The following ARAP3 variants were observed in gnomAD, a reference collection of about 807,000 sequenced individuals.
ARAP3 encodes arf-GAP with Rho-GAP domain, ANK repeat and PH domain-containing protein 3.
Under a neutral mutation model 169.2 loss-of-function variants are expected in ARAP3, and 82 were observed. The ratio of observed to expected loss-of-function variants is 0.48; its 90% CI spans 0.41 to 0.58. The LOEUF is 0.58. Among genes scored for constraint, ARAP3 ranks in the 20% least tolerant of loss-of-function variants. The pLI is 0.00. For synonymous variants in ARAP3, 791 were observed against 800.3 expected (o/e 0.99, Z 0.20); for missense variants, 1,764 against 2,018.0 (o/e 0.87, Z 2.41).
chr5:141,675,446 C>T (rs918847851), intron 4 of ARAP3, among the ~76,000 whole-genome samples: 3 of 152,068 alleles, frequency 2.0e-5, no homozygotes, highest in Admixed American at 6.6e-5. Context: ...AAAGGCTGGG[C>T]GTGGTGGCTT....
intron 5 of ARAP3, 40 bp from the exon 6 acceptor site, chr5:141,673,510 A>C (rs1377944474): frequency 6.2e-7 from 1 of 1,613,928 alleles, no homozygotes; most frequent in Admixed American, 1.7e-5. Flanking sequence ...TTGAGGTTGC[A>C]TGGGGTTAGG....
At chr5:141,661,578 A>T in intron 21 of ARAP3, 106 bp downstream of exon 21, 1 of 1,200,442 alleles carries the variant, frequency 8.3e-7, no homozygotes, top group Non-Finnish European at 1.2e-6. Flanking sequence ...TCACTTAACA[A>T]CTGTTTGTGG....
rs2099911718 is a variant in ARAP3, at chr5:141,673,473, G to T, written c.903-3C>A. 1 of 1,614,056 alleles carries T rather than the reference G, an allele frequency of 6.2e-7. No homozygotes were observed. Among genetic ancestry groups the T allele is most frequent in the African/African-American group, 1.3e-5 (1 of 74,914 alleles). ...AGCGTCTCTGGAAGACATAGTTTCT[G>T]AGGAAGGAAGGAGCCAAGATCAGTG... On this transcript the variant is annotated splice_polypyrimidine_tract_variant and splice_region_variant and intron_variant, in intron 5 of 32. Transcript: ENST00000239440.
At chr5:141,662,651 A>G (rs2099910115) in intron 19 of ARAP3, among the ~76,000 whole-genome samples, 1 of 152,238 alleles carries the variant, frequency 6.6e-6, no homozygotes. Context: ...GAACAGAGTG[A>G]AGAAAAATTT....
At chr5:141,665,459 T>C in intron 17 of ARAP3, 85 bp from the exon 18 acceptor site, 4 of 1,437,014 alleles carry the variant, frequency 2.8e-6, no homozygotes, top group East Asian at 2.3e-5. Flanking sequence ...CGTGCATAGA[T>C]GCCAGGCTAG....
intron 22 of ARAP3, 91 bp from the exon 23 acceptor site, chr5:141,659,567 G>A: frequency 1.4e-6 from 2 of 1,452,842 alleles, no homozygotes; most frequent in South Asian, 2.3e-5. Context: ...TAAGAGGGCT[G>A]GAGGCCAGAA....
chr5:141,667,491 T>TGCATGATCTC (rs2099910820), intron 16 of ARAP3, among the ~76,000 whole-genome samples: 2 of 150,306 alleles, frequency 1.3e-5, no homozygotes, highest in African/African-American at 4.9e-5. Context: ...TGGAGTACAG[T>TGCATGATCTC]GGCATGATCT....
intron 4 of ARAP3, among the ~76,000 whole-genome samples, chr5:141,675,893 CT>C (rs2099912119): frequency 6.6e-6 from 1 of 152,110 alleles, no homozygotes; most frequent in East Asian, 1.9e-4. Flanking sequence ...CCTCCTGTGA[CT>C]ATAATAAACA....
At position 141,672,725 on chromosome 5, in the gene ARAP3, G is replaced by A. The variant is rs2154599104; in HGVS notation, c.1278+16C>T. On this transcript the variant is annotated intron_variant, in intron 8 of 32. Coordinates refer to ENST00000239440, the MANE Select transcript of ARAP3 (RefSeq NM_022481.6). The surrounding 1 kb of genome is among the most constrained non-coding windows in gnomAD (Gnocchi z 4.9). ...GACTAGTTCAGGCCCCTCAGCCCTG[G>A]CCCGGCTCTCCTCACCTGCTCACTC... 3 of 1,614,126 alleles carry A rather than the reference G, an allele frequency of 1.9e-6. No individual in the cohort carries two copies. Among genetic ancestry groups the A allele is most frequent in the Non-Finnish European group, 2.5e-6 (3 of 1,180,016 alleles).
intron 21 of ARAP3, among the ~76,000 whole-genome samples, chr5:141,661,220 T>C (rs2099909929): frequency 1.3e-5 from 2 of 152,086 alleles, no homozygotes; most frequent in South Asian, 4.1e-4. Context: ...TGTACCACCA[T>C]GCCAGGCTAA....
At position 141,671,442 on chromosome 5, in the gene ARAP3, C is replaced by T. The variant is rs773757500; in HGVS notation, c.1855-42G>A. On this transcript the variant is annotated intron_variant, in intron 12 of 32. Transcript: ENST00000239440. The surrounding 1 kb of genome is among the most constrained non-coding windows in gnomAD (Gnocchi z 4.9). ...GCCTCTGTCAGCCCCAAATCCCAAACTGAGAGCACTGGGGACAGTCGTATC... is the reference window on the plus strand; with the variant it reads ...GCCTCTGTCAGCCCCAAATCCCAAATTGAGAGCACTGGGGACAGTCGTATC... 6.3e-7 allele frequency: 1 copy of T among 1,594,670 alleles called. No homozygotes were observed. The highest frequency in any genetic ancestry group is 8.6e-7 in the Non-Finnish European group (1 of 1,169,520).
chr5:141,675,158 A>C (rs1034779406), intron 4 of ARAP3, among the ~76,000 whole-genome samples: 1 of 152,144 alleles, frequency 6.6e-6, no homozygotes, highest in African/African-American at 2.4e-5. Flanking sequence ...GCCGCCTTCC[A>C]TGCTTCCCTG....
chr5:141,656,987 T>C, intron 25 of ARAP3, 141 bp from the exon 26 acceptor site: 5 of 1,242,440 alleles, frequency 4.0e-6, no homozygotes, highest in Non-Finnish European at 5.5e-6. Context: ...GGAACTGTGC[T>C]GGCCCTGGGA....
In ARAP3 at chr5:141,654,310, G is replaced by A; in HGVS notation, c.4275C>T (p.Phe1425=). ...PELIQDTSTS[F]STTREWTVKP... is the part of the protein sequence containing the mutation. ...TCACTGTCCACTCCCGTGTGGTGGA[G>A]AAGGAGGTAGAAGTGTCCTGGATCA... The change falls in exon 33 of 33, where the codon TTC becomes TTT. Residue 1425 remains phenylalanine (F), a synonymous_variant. Coordinates refer to ENST00000239440, the MANE Select transcript of ARAP3 (RefSeq NM_022481.6). The A allele has an allele frequency of 1.2e-6, 2 of 1,613,528 alleles. No individual in the cohort carries two copies. The highest frequency in any genetic ancestry group is 1.7e-6 in the Non-Finnish European group (2 of 1,180,002).
intron 21 of ARAP3, among the ~76,000 whole-genome samples, chr5:141,660,611 C>A (rs1259399712): frequency 6.6e-6 from 1 of 151,912 alleles, no homozygotes; most frequent in Non-Finnish European, 1.5e-5. Context: ...CTGTAGTTGA[C>A]CAATCCCTAT....
chr5:141,673,606 C>T lies in ARAP3; in HGVS notation c.901G>A (p.Gly301Arg), dbSNP rs2099911742. The change falls in exon 5 of 33, where the codon GGA becomes AGA. Residue 301 changes from glycine (G) to arginine (R), a missense_variant and splice_region_variant. Transcript: ENST00000239440. ...SGWLDKLSPQ[G>R]NYVFQRRFVQ... ...CTCCCTTCCCCTCCCAGCACCCACC[C>T]CTGAGGGGAGAGCTTGTCTAGCCAG... 1 of 1,613,770 alleles carries T rather than the reference C, an allele frequency of 6.2e-7. No individual in the cohort carries two copies. The highest frequency in any genetic ancestry group is 1.3e-5 in the African/African-American group (1 of 74,932).
At chr5:141,673,550 G>T (rs377402748) in intron 5 of ARAP3, 55 bp downstream of exon 5, 2 of 1,612,150 alleles carry the variant, frequency 1.2e-6, no homozygotes, top group East Asian at 4.5e-5. Context: ...GCACTTTCCC[G>T]CGCAACCACC....
intron 19 of ARAP3, among the ~76,000 whole-genome samples, chr5:141,663,801 T>A (rs895626165): frequency 3.3e-5 from 5 of 152,218 alleles, no homozygotes; most frequent in Non-Finnish European, 5.9e-5. Context: ...CGCTGTTTTT[T>A]TCCTTACAGT....
chr5:141,672,058 C>A lies in ARAP3; in HGVS notation c.1585+44G>T. The A allele has an allele frequency of 6.2e-7, 1 of 1,613,990 alleles. No individual in the cohort carries two copies. Among genetic ancestry groups the A allele is most frequent in the Non-Finnish European group, 8.5e-7 (1 of 1,179,914 alleles). ...GCACGGGTACCCTGAGCCCTCTAGT[C>A]CCAGCCCTCCTGTTCCCCACATGGG... On this transcript the variant is annotated intron_variant, in intron 10 of 32. Transcript: ENST00000239440. The surrounding 1 kb of genome is among the most constrained non-coding windows in gnomAD (Gnocchi z 4.9).
Sources: allele counts gnomAD v4.1 joint callset (sites outside exome capture counted in the v4.1 genomes callset), GRCh38; gene constraint gnomAD v4.1.1; non-coding constraint Gnocchi (gnomAD v3.1); transcripts MANE v1.5; gene names NCBI Gene and HGNC (gene_info 2026-07-23, HGNC 2026-07-21).